ANO10: variants seen among roughly 807,000 people sequenced by gnomAD.
ANO10 encodes anoctamin-10.
In ANO10, 77 loss-of-function variants were observed where a neutral mutation model predicts 74.7. The observed-to-expected ratio is 1.03, with a 90% CI of 0.86 to 1.25. ANO10 has a LOEUF of 1.25. ANO10 is among the 50% of genes most tolerant of loss of function. The pLI, the probability that ANO10 is intolerant of heterozygous loss-of-function variation, is 0.00. For synonymous variants in ANO10, 279 were observed against 284.9 expected (o/e 0.98, Z 0.21); for missense variants, 721 against 778.1 (o/e 0.93, Z 0.87).
chr3:43,373,592 A>G (rs1337292206), intron 12 of ANO10, among the ~76,000 whole-genome samples: 1 of 152,186 alleles, frequency 6.6e-6, no homozygotes, highest in Non-Finnish European at 1.5e-5. Flanking sequence ...CCCAAAACAG[A>G]AGTTAAAGGA....
In ANO10 at chr3:43,508,368, T is replaced by C. The variant is rs1185277612; in HGVS notation, c.1797+41352A>G. ...AGAAAATGGGCAAAAACTTCAGCCA[T>C]TGTGGAAGACAGTGTGGTGATTCCT... On this transcript the variant is annotated intron_variant, in intron 11 of 12. Transcript: ENST00000292246. 2.0e-5 allele frequency among the ~76,000 whole-genome samples: 3 copies of C among 152,194 alleles called. No homozygotes were observed. The East Asian group carries it at 5.8e-4, about 29-fold the overall frequency.
intron 11 of ANO10, among the ~76,000 whole-genome samples, chr3:43,476,089 C>T (rs907331152): frequency 6.6e-6 from 1 of 152,114 alleles, no homozygotes; most frequent in Non-Finnish European, 1.5e-5. Flanking sequence ...TATTTTGATA[C>T]ACTGTTTGCT....
chr3:43,662,752 T>C (rs2083940967), intron 1 of ANO10, among the ~76,000 whole-genome samples: 1 of 151,922 alleles, frequency 6.6e-6, no homozygotes. Context: ...CACCAGAGAA[T>C]ACTATAGACA....
At chr3:43,367,854 T>C (rs1435129135) in intron 12 of ANO10, among the ~76,000 whole-genome samples, 1 of 152,122 alleles carries the variant, frequency 6.6e-6, no homozygotes, top group African/African-American at 2.4e-5. Context: ...GTGATTCACC[T>C]ATGGAAAAAC....
At chr3:43,441,571 A>G (rs537815283) in intron 11 of ANO10, among the ~76,000 whole-genome samples, 15 of 152,276 alleles carry the variant, frequency 9.9e-5, no homozygotes, top group African/African-American at 3.6e-4. Flanking sequence ...GGTGAATTCC[A>G]CCAAACATTT....
rs531077199 is a variant in ANO10, at chr3:43,516,474, A to G, written c.1797+33246T>C. Among the ~76,000 whole-genome samples, 7 of 152,318 alleles carry G rather than the reference A, an allele frequency of 4.6e-5. No homozygotes were observed. In the South Asian group the frequency reaches 1.4e-3, roughly 32 times the overall value. ...CTAGGGACGAAAGACAGATAAGAGG[A>G]GATTACAGAGGACCTTGAATCCCTT... On this transcript the variant is annotated intron_variant, in intron 11 of 12. Coordinates refer to ENST00000292246, the MANE Select transcript of ANO10 (RefSeq NM_018075.5).
At chr3:43,679,765 C>A (rs1274885349) in intron 1 of ANO10, among the ~76,000 whole-genome samples, 1 of 152,162 alleles carries the variant, frequency 6.6e-6, no homozygotes, top group Admixed American at 6.5e-5. Context: ...GATCAGGCAG[C>A]AACATTTACT....
At chr3:43,655,344 G>A (rs1219382190) in intron 1 of ANO10, among the ~76,000 whole-genome samples, 15 of 152,154 alleles carry the variant, frequency 9.9e-5, no homozygotes, top group African/African-American at 3.1e-4. Context: ...TGGTGGGTTC[G>A]TGGTCTCGCT....
intron 12 of ANO10, among the ~76,000 whole-genome samples, chr3:43,389,791 G>A (rs1182699882): frequency 1.3e-5 from 2 of 152,282 alleles, no homozygotes; most frequent in African/African-American, 4.8e-5. Context: ...AAAGGAACTG[G>A]TATCAGTATC....
At chr3:43,577,389 G>T in intron 5 of ANO10, 128 bp from the exon 6 acceptor site, 2 of 933,332 alleles carry the variant, frequency 2.1e-6, no homozygotes, top group Non-Finnish European at 3.3e-6. Flanking sequence ...AACAGCGTGT[G>T]GTGGTAAATC....
chr3:43,551,632 C>T (rs1306024016), intron 10 of ANO10: 3 of 452,692 alleles, frequency 6.6e-6, no homozygotes, highest in Non-Finnish European at 8.9e-6. Flanking sequence ...TCCAAAATCA[C>T]ATATACATTT....
At chr3:43,437,437 G>C (rs2093086062) in intron 11 of ANO10, among the ~76,000 whole-genome samples, 1 of 152,244 alleles carries the variant, frequency 6.6e-6, no homozygotes, top group Non-Finnish European at 1.5e-5. Context: ...GAGGGAAAGA[G>C]AAAGTAGAAT....
At chr3:43,633,338 G>A (rs1165444967) in intron 1 of ANO10, among the ~76,000 whole-genome samples, 2 of 152,130 alleles carry the variant, frequency 1.3e-5, no homozygotes, top group Non-Finnish European at 2.9e-5. Context: ...TGGGGAAAAT[G>A]TTGTTTTATT....
In ANO10 at chr3:43,627,472, T is replaced by A. The variant is rs568275530; in HGVS notation, c.-11-21609A>T. ...AATCTGTGATCTAGGGATTTCTGAGTTTGATCAAGAAGCTGCCACAGTCAC... is the reference window on the plus strand; with the variant it reads ...AATCTGTGATCTAGGGATTTCTGAGATTGATCAAGAAGCTGCCACAGTCAC... On this transcript the variant is annotated intron_variant, in intron 1 of 3. Coordinates refer to the ANO10 transcript ENST00000413397. 2.0e-4 allele frequency among the ~76,000 whole-genome samples: 31 copies of A among 152,322 alleles called. No homozygotes were observed. In the East Asian group the frequency reaches 6.0e-3, roughly 29 times the overall value.
At chr3:43,524,215 C>A (rs1176193936) in intron 11 of ANO10, among the ~76,000 whole-genome samples, 1 of 8,854 alleles carries the variant, frequency 1.1e-4, no homozygotes, top group East Asian at 5.3e-3. Flanking sequence ...AGGAAGAAAA[C>A]CAGGAAACGA....
At chr3:43,593,046 G>C (rs1033306930) in intron 4 of ANO10, among the ~76,000 whole-genome samples, 4 of 152,170 alleles carry the variant, frequency 2.6e-5, no homozygotes, top group African/African-American at 9.7e-5. Context: ...GAAGCAAGAA[G>C]AGAAGTTTAG....
intron 12 of ANO10, among the ~76,000 whole-genome samples, chr3:43,421,789 G>A (rs993795237): frequency 2.0e-5 from 3 of 151,970 alleles, no homozygotes; most frequent in Admixed American, 2.0e-4. Flanking sequence ...AGTGAGCTGT[G>A]ATCGTGCCAC....
chr3:43,577,148 C>G lies in ANO10; in HGVS notation c.706G>C (p.Val236Leu), dbSNP rs771135471. 6.2e-7 allele frequency: 1 copy of G among 1,614,152 alleles called. No individual in the cohort carries two copies. Among genetic ancestry groups the G allele is most frequent in the South Asian group, 1.1e-5 (1 of 91,086 alleles). ...AVIGLPYYLF[V>L]WEDYDKYVIF... ...ACGTACTTGTCATAGTCTTCCCACA[C>G]AAACAAGTAGTAAGGTAACCCAATG... The change falls in exon 6 of 13, where the codon GTG becomes CTG. Residue 236 changes from valine to leucine, a missense_variant. Physicochemically the swap from Val to Leu is conservative, Grantham distance 32 (BLOSUM62 1). Transcript: ENST00000292246.
At position 43,577,032 on chromosome 3, in the gene ANO10, T is replaced by C. The variant is rs2081039028; in HGVS notation, c.822A>G (p.Thr274=). 3.1e-6 allele frequency: 5 copies of C among 1,614,036 alleles called. No homozygotes were observed. The highest frequency in any genetic ancestry group is 4.2e-6 in the Non-Finnish European group (5 of 1,180,020). Reference sequence around the variant, plus strand: ...CCTCAAACTTTCTCTTCATGAGCAGTGTCCCCCACCTGTAGGTCATGTTGG... The same window carrying C: ...CCTCAAACTTTCTCTTCATGAGCAGCGTCCCCCACCTGTAGGTCATGTTGG... ...GCANMTYRWG[T]LLMKRKFEEP... The change falls in exon 6 of 13, where the codon ACA becomes ACG. Residue 274 remains threonine (T), a synonymous_variant. Coordinates refer to ENST00000292246, the MANE Select transcript of ANO10 (RefSeq NM_018075.5).
Sources: allele counts gnomAD v4.1 joint callset (sites outside exome capture counted in the v4.1 genomes callset), GRCh38; gene constraint gnomAD v4.1.1; transcripts MANE v1.5; gene names NCBI Gene and HGNC (gene_info 2026-07-23, HGNC 2026-07-21).